GRAMD1B: variants seen among roughly 807,000 people sequenced by gnomAD.
GRAMD1B encodes the protein GRAM domain containing 1B.
In GRAMD1B, 37 loss-of-function variants were observed where a neutral mutation model predicts 99.7. The observed-to-expected ratio is 0.37, with a 90% confidence interval of 0.29 to 0.49. The LOEUF is 0.49. Among genes scored for constraint, GRAMD1B ranks in the 20% least tolerant of loss-of-function variants. The probability of loss-of-function intolerance (pLI) is 0.98; values close to 1 mark genes in which losing one functional copy is unlikely to be tolerated. For synonymous variants in GRAMD1B, 427 were observed against 387.6 expected (o/e 1.10, Z -1.19); for missense variants, 888 against 1,009.2 (o/e 0.88, Z 1.63).
rs1381812274 is a variant in GRAMD1B, at chr11:123,435,285, C to A, written c.374+4119C>A. On this transcript the variant is annotated intron_variant, in intron 1 of 19. Transcript: ENST00000635736. ...CTCCAAAAGAGAGAAAAACACCTTT[C>A]AGGCTTGCTATGAAATTCAGCGTGA... is the stretch of plus-strand genomic sequence containing the variant. 3.9e-5 allele frequency: 24 copies of A among 622,154 alleles called. No individual in the cohort carries two copies. In the East Asian group the frequency reaches 6.6e-4, roughly 17 times the overall value. 38.5% of individuals were successfully genotyped at this position (622,154 alleles called of 1,614,324 possible).
At chr11:123,445,043 A>G (rs1044734925) in intron 1 of GRAMD1B, among the ~76,000 whole-genome samples, 2 of 152,202 alleles carry the variant, frequency 1.3e-5, no homozygotes, top group Non-Finnish European at 2.9e-5. Flanking sequence ...AGGAAAGTCC[A>G]AGGGTTTTAG....
intron 1 of GRAMD1B, among the ~76,000 whole-genome samples, chr11:123,440,152 A>G (rs1415310927): frequency 6.6e-6 from 1 of 152,220 alleles, no homozygotes; most frequent in Non-Finnish European, 1.5e-5. Flanking sequence ...CTTAAAAGGA[A>G]TCATTTTAAA....
At chr11:123,618,146 T>C (rs1157473777) in intron 17 of GRAMD1B, among the ~76,000 whole-genome samples, 1 of 152,196 alleles carries the variant, frequency 6.6e-6, no homozygotes, top group African/African-American at 2.4e-5. Context: ...CCCGTGGAAA[T>C]ACTAAGAGTC....
chr11:123,498,307 C>A (rs762799492), intron 2 of GRAMD1B, among the ~76,000 whole-genome samples: 2 of 152,154 alleles, frequency 1.3e-5, no homozygotes, highest in African/African-American at 2.4e-5. Context: ...ACTGAAGGAG[C>A]CTTTTACTGT....
At chr11:123,527,377 T>C (rs1249235408) in intron 2 of GRAMD1B, among the ~76,000 whole-genome samples, 2 of 152,132 alleles carry the variant, frequency 1.3e-5, no homozygotes, top group Non-Finnish European at 2.9e-5. Flanking sequence ...GGCCCTTTAG[T>C]GGGTCTTGAA....
intron 1 of GRAMD1B, among the ~76,000 whole-genome samples, chr11:123,389,475 G>A (rs1057075140): frequency 6.6e-6 from 1 of 151,958 alleles, no homozygotes; most frequent in Non-Finnish European, 1.5e-5. Flanking sequence ...AATAAGGAAA[G>A]TCTAAGAAAC....
At chr11:123,513,695 T>C (rs991765444) in intron 2 of GRAMD1B, among the ~76,000 whole-genome samples, 2 of 150,662 alleles carry the variant, frequency 1.3e-5, no homozygotes, top group Admixed American at 6.7e-5. Context: ...GGGTCTCTAT[T>C]GCCTAGACTG....
chr11:123,501,161 G>GTTTATTTTTAT (rs1555045689), intron 2 of GRAMD1B, among the ~76,000 whole-genome samples: 123 of 151,858 alleles, frequency 8.1e-4, no homozygotes, highest in Middle Eastern at 3.4e-3. Context: ...TTTTTTGTTT[G>GTTTATTTTTAT]TTTATTTTTA....
chr11:123,469,776 T>TTTCCTTCCTTCCTTCCTTCCTTCCTTCC (rs369545252), intron 1 of GRAMD1B, among the ~76,000 whole-genome samples: 13 of 130,020 alleles, frequency 1.0e-4, no homozygotes, highest in East Asian at 2.2e-4. Context: ...TTTCTCTTTC[T>TTTCCTTCCTTCCTTCCTTCCTTCCTTCC]TTCCTTCCTT....
At chr11:123,441,002 G>A (rs899270035) in intron 1 of GRAMD1B, among the ~76,000 whole-genome samples, 1 of 152,172 alleles carries the variant, frequency 6.6e-6, no homozygotes, top group Non-Finnish European at 1.5e-5. Flanking sequence ...GCCACCATGT[G>A]AGATGTGCCT....
chr11:123,513,831 T>A (rs761932802), intron 2 of GRAMD1B, among the ~76,000 whole-genome samples: 1 of 151,712 alleles, frequency 6.6e-6, no homozygotes, highest in Non-Finnish European at 1.5e-5. Flanking sequence ...TAATTTTTTA[T>A]TTTTTGTAGA....
intron 1 of GRAMD1B, among the ~76,000 whole-genome samples, chr11:123,470,303 A>G (rs1950947421): frequency 6.6e-6 from 1 of 152,210 alleles, no homozygotes; most frequent in Non-Finnish European, 1.5e-5. Context: ...TTTCTTATTT[A>G]GAAGACAGTT....
At chr11:123,445,147 C>G (rs1214127620) in intron 1 of GRAMD1B, among the ~76,000 whole-genome samples, 1 of 152,124 alleles carries the variant, frequency 6.6e-6, no homozygotes, top group Non-Finnish European at 1.5e-5. Flanking sequence ...ATTTCTGAAG[C>G]ACTATTTCTA....
intron 1 of GRAMD1B, among the ~76,000 whole-genome samples, chr11:123,390,030 T>C (rs1439403302): frequency 6.6e-6 from 1 of 152,032 alleles, no homozygotes; most frequent in African/African-American, 2.4e-5. Flanking sequence ...GTGCTGGGAT[T>C]ACAGGTGTGA....
rs1472920283 is a variant in GRAMD1B, at chr11:123,606,618, C to T, written c.1333C>T (p.Leu445=). Residue 445 remains leucine (L), a synonymous_variant, in exon 11 of 20, where the codon CTG becomes TTG. Transcript: ENST00000635736. ...SSEAPVSFDG[L]PLEEEALEGD... Reference sequence around the variant, plus strand: ...TCTGTCTTGGCTCCAGTTTGATGGGCTGCCCCTGGAGGAAGAGGCGCTGGA... The same window carrying T: ...TCTGTCTTGGCTCCAGTTTGATGGGTTGCCCCTGGAGGAAGAGGCGCTGGA... 2 of 1,609,704 alleles carry T rather than the reference C, an allele frequency of 1.2e-6. No individual in the cohort carries two copies. Among genetic ancestry groups the T allele is most frequent in the Non-Finnish European group, 8.5e-7 (1 of 1,178,340 alleles).
intron 1 of GRAMD1B, among the ~76,000 whole-genome samples, chr11:123,453,477 C>T (rs1591571962): frequency 1.3e-5 from 2 of 152,050 alleles, no homozygotes; most frequent in African/African-American, 4.8e-5. Context: ...CCACCACACA[C>T]AGCTAATTTT....
chr11:123,395,029 T>C (rs781445643), intron 1 of GRAMD1B, among the ~76,000 whole-genome samples: 3 of 152,184 alleles, frequency 2.0e-5, no homozygotes, highest in Non-Finnish European at 4.4e-5. Context: ...ACTGTTATGA[T>C]TAAATTTCAA....
intron 1 of GRAMD1B, among the ~76,000 whole-genome samples, chr11:123,476,390 C>T (rs898693787): frequency 1.1e-4 from 16 of 152,198 alleles, no homozygotes; most frequent in African/African-American, 3.4e-4. Context: ...CGTGAGCCAC[C>T]GCACCCGGCC....
chr11:123,606,847 G>T, intron 11 of GRAMD1B, 49 bp downstream of exon 11: 1 of 1,435,036 alleles, frequency 7.0e-7, no homozygotes. Flanking sequence ...TGTTTTGAAG[G>T]CTAAAAGGAG....
Sources: gnomAD v4.1 joint callset for allele counts (sites outside exome capture counted in the v4.1 genomes callset) on GRCh38, gnomAD v4.1.1 for gene constraint, MANE v1.5 for transcripts, NCBI Gene and HGNC (gene_info 2026-07-23, HGNC 2026-07-21) for gene names.